The following PDE3A variants were observed in gnomAD, a reference collection of about 807,000 sequenced individuals.
PDE3A encodes cGMP-inhibited 3',5'-cyclic phosphodiesterase 3A.
A neutral mutation model predicts 98.3 loss-of-function variants in PDE3A; 43 were observed. The ratio of observed to expected loss-of-function variants is 0.44; its 90% CI spans 0.34 to 0.56. The LOEUF (loss-of-function observed/expected upper bound fraction) is 0.56, where lower values mean the gene tolerates loss of function less well. PDE3A is among the 20% of genes least tolerant of loss of function. The pLI, the probability that PDE3A is intolerant of heterozygous loss-of-function variation, is 0.01. For synonymous variants in PDE3A, 663 were observed against 567.9 expected (o/e 1.17, Z -2.38); for missense variants, 1,427 against 1,440.7 (o/e 0.99, Z 0.15).
At position 20,374,581 on chromosome 12, in the gene PDE3A, T is replaced by C. The variant is rs1943537181; in HGVS notation, c.960+4337T>C. 1.3e-5 allele frequency among the ~76,000 whole-genome samples: 2 copies of C among 152,092 alleles called. 1 individual carries two copies. Among genetic ancestry groups the C allele is most frequent in the South Asian group, 4.1e-4 (2 of 4,820 alleles). On this transcript the variant is annotated intron_variant, in intron 1 of 15. Transcript: ENST00000359062. ...CTGCAGTGACATTTGTGTGAATTTG[T>C]TGTAGTCTATTAGAAAATTCAGATC...
At chr12:20,615,147 AC>A (rs1486298759) in intron 3 of PDE3A, among the ~76,000 whole-genome samples, 2 of 145,788 alleles carry the variant, frequency 1.4e-5, no homozygotes, top group Non-Finnish European at 3.0e-5. Context: ...CAAGTGATCC[AC>A]CCGCCTTGGC....
At chr12:20,665,859 A>T (rs1945294591) in intron 15 of PDE3A, among the ~76,000 whole-genome samples, 1 of 151,740 alleles carries the variant, frequency 6.6e-6, no homozygotes, top group Non-Finnish European at 1.5e-5. Flanking sequence ...ATATTTGTAC[A>T]TATTTATGTG....
Position 20,512,410 on chromosome 12 carries a change from T to C in PDE3A, c.961-44250T>C, listed in dbSNP as rs146831920. Among the ~76,000 whole-genome samples the C allele has an allele frequency of 3.1e-3, 476 of 152,208 alleles. 5 individuals carry two copies. Among genetic ancestry groups the C allele is most frequent in the African/African-American group, 0.01 (426 of 41,560 alleles). ...TTGAAGCTGCTCTTATACCAAGAGA[T>C]GAAGACAAATCCGATAAGTACTATT... On this transcript the variant is annotated intron_variant, in intron 1 of 15. Coordinates refer to ENST00000359062, the MANE Select transcript of PDE3A (RefSeq NM_000921.5).
chr12:20,386,173 A>AT (rs1943791384), intron 1 of PDE3A, among the ~76,000 whole-genome samples: 1 of 75,982 alleles, frequency 1.3e-5, no homozygotes, highest in African/African-American at 5.0e-5. Flanking sequence ...AAATATATAA[A>AT]AATATATATA....
chr12:20,679,896 TATATATATAATATAATATAATATAATAA>T lies in PDE3A; in HGVS notation c.3185-133_3185-106del. ...AATATATATATTATATATATAATAA[TATATATATAATATAATATAATATAATAA>T]GGTTATGGATTAACTCCTCTTAATT... On this transcript the variant is annotated intron_variant, in intron 15 of 15. Coordinates refer to ENST00000359062, the MANE Select transcript of PDE3A (RefSeq NM_000921.5). The T allele has an allele frequency of 4.3e-4, 23 of 53,878 alleles. 1 individual carries two copies. The highest frequency in any genetic ancestry group is 1.5e-3 in the South Asian group (2 of 1,304). The allele number at this position is 53,878 out of a possible 1,614,324, so 3.3% of individuals were successfully genotyped here.
chr12:20,665,063 A>C (rs1365213452), intron 15 of PDE3A, among the ~76,000 whole-genome samples: 1 of 152,094 alleles, frequency 6.6e-6, no homozygotes, highest in Non-Finnish European at 1.5e-5. Context: ...TAATCCAGTC[A>C]CCACCTCCAT....
intron 2 of PDE3A, among the ~76,000 whole-genome samples, chr12:20,596,983 A>G (rs1276218789): frequency 2.6e-5 from 4 of 152,158 alleles, no homozygotes. Flanking sequence ...TGAATAGCGT[A>G]GGGCTTCGGA....
chr12:20,541,238 C>G (rs1941900560), intron 1 of PDE3A, among the ~76,000 whole-genome samples: 1 of 151,224 alleles, frequency 6.6e-6, no homozygotes, highest in African/African-American at 2.4e-5. Flanking sequence ...CTAGGACTAC[C>G]AGGTGCACAA....
At chr12:20,470,162 T>C (rs1945413074) in intron 1 of PDE3A, among the ~76,000 whole-genome samples, 1 of 152,176 alleles carries the variant, frequency 6.6e-6, no homozygotes. Context: ...GTATCCTCCA[T>C]TATTTTAGTT....
In PDE3A at chr12:20,369,678, C is replaced by T. The variant is rs1201914449; in HGVS notation, c.394C>T (p.Pro132Ser). Residue 132 changes from proline (P) to serine (S), a missense_variant, in exon 1 of 16, where the codon CCC becomes TCC. Physicochemically the swap from Pro to Ser is moderately conservative, Grantham distance 74. This residue lies in a region of PDE3A where 1,012 missense variants were observed against 886.5 expected (regional missense o/e 1.14). Coordinates refer to ENST00000359062, the MANE Select transcript of PDE3A (RefSeq NM_000921.5). ...GGARLSPWLQ[P>S]SALLFSLLCA... ...TGCGCGGCTCAGCCCCTGGCTGCAG[C>T]CCTCGGCGCTGCTCTTCAGTCTCCT... 1 of 1,609,360 alleles carries T rather than the reference C, an allele frequency of 6.2e-7. No individual in the cohort carries two copies. Among genetic ancestry groups the T allele is most frequent in the South Asian group, 1.1e-5 (1 of 90,518 alleles).
At chr12:20,482,754 G>C (rs1945654475) in intron 1 of PDE3A, among the ~76,000 whole-genome samples, 1 of 152,158 alleles carries the variant, frequency 6.6e-6, no homozygotes, top group Non-Finnish European at 1.5e-5. Context: ...TGAATGTTTT[G>C]TAGTTTGATG....
At chr12:20,486,212 A>C (rs746666432) in intron 1 of PDE3A, among the ~76,000 whole-genome samples, 5 of 152,188 alleles carry the variant, frequency 3.3e-5, no homozygotes, top group Non-Finnish European at 5.9e-5. Context: ...ACAGTTCTAC[A>C]TGGCTGGGGA....
chr12:20,593,808 G>A (rs1442026209), intron 2 of PDE3A, among the ~76,000 whole-genome samples: 1 of 152,154 alleles, frequency 6.6e-6, no homozygotes, highest in Non-Finnish European at 1.5e-5. Flanking sequence ...CGAAGGAGTG[G>A]TCAGTGTTGG....
intron 15 of PDE3A, among the ~76,000 whole-genome samples, chr12:20,661,754 A>T (rs1252520520): frequency 6.6e-6 from 1 of 152,196 alleles, no homozygotes; most frequent in Non-Finnish European, 1.5e-5. Context: ...CAGAGGGTGT[A>T]CGGAAATGCT....
intron 1 of PDE3A, among the ~76,000 whole-genome samples, chr12:20,453,412 TCAGGTGATCTGCCCA>T (rs1183042249): frequency 6.6e-6 from 1 of 151,978 alleles, no homozygotes; most frequent in African/African-American, 2.4e-5. Context: ...ACTCCTGACC[TCAGGTGATCTGCCCA>T]CCTTGGCTAC....
chr12:20,433,121 C>CA, intron 1 of PDE3A, among the ~76,000 whole-genome samples: 1 of 152,188 alleles, frequency 6.6e-6, no homozygotes, highest in East Asian at 1.9e-4. Flanking sequence ...CAGCAGCCTC[C>CA]AAAAATCCTC....
intron 1 of PDE3A, among the ~76,000 whole-genome samples, chr12:20,390,456 A>AG (rs1373943582): frequency 3.7e-5 from 4 of 108,666 alleles, no homozygotes; most frequent in Non-Finnish European, 6.0e-5. Flanking sequence ...AGGTGATTTA[A>AG]GAAAAAAAAA....
chr12:20,430,839 C>T (rs1944684138), intron 1 of PDE3A, among the ~76,000 whole-genome samples: 1 of 152,058 alleles, frequency 6.6e-6, no homozygotes, highest in Non-Finnish European at 1.5e-5. Flanking sequence ...ATATTATTGG[C>T]CTCTTTCTTT....
chr12:20,397,967 A>G (rs1478164109), intron 1 of PDE3A, among the ~76,000 whole-genome samples: 2 of 152,066 alleles, frequency 1.3e-5, no homozygotes, highest in African/African-American at 2.4e-5. Context: ...TGAATACTTA[A>G]TTGAACATTA....
Sources: gnomAD v4.1 joint callset for allele counts (sites outside exome capture counted in the v4.1 genomes callset) on GRCh38, gnomAD v4.1.1 for gene constraint, gnomAD v4.1.1 regional missense constraint, MANE v1.5 for transcripts, NCBI Gene and HGNC (gene_info 2026-07-23, HGNC 2026-07-21) for gene names.